Variants in RICTOR observed in about 807,000 individuals in gnomAD.
The protein encoded by RICTOR is RPTOR independent companion of MTOR complex 2, also known as rapamycin-insensitive companion of mTOR.
Under a neutral mutation model 214.9 loss-of-function variants are expected in RICTOR, and 49 were observed. The observed-to-expected ratio is 0.23, with a 90% CI of 0.18 to 0.29. RICTOR has a LOEUF of 0.29. Ranked by LOEUF, RICTOR falls within the 10% of genes least tolerant of loss-of-function variation. The probability of loss-of-function intolerance (pLI) is 1.00; values close to 1 mark genes in which losing one functional copy is unlikely to be tolerated. For missense variants in RICTOR, 1,625 were observed against 2,047.0 expected (o/e 0.79, Z 3.98); for synonymous variants, 717 against 711.3 (o/e 1.01, Z -0.13).
At chr5:39,037,856 C>A (rs1300514272) in intron 2 of RICTOR, among the ~76,000 whole-genome samples, 5 of 152,130 alleles carry the variant, frequency 3.3e-5, no homozygotes, top group Non-Finnish European at 7.4e-5. Flanking sequence ...AAGTCCAGGA[C>A]CAGATGGATT....
Position 38,949,868 on chromosome 5 carries a change from G to C in RICTOR, c.3980C>G (p.Ala1327Gly), listed in dbSNP as rs1221571361. Residue 1327 changes from alanine to glycine, a missense_variant, in exon 31 of 38, where the codon GCT becomes GGT. By Grantham distance (60) the Ala-to-Gly change is moderately conservative (BLOSUM62 0). Around this residue, in one of 5 missense-constraint regions of RICTOR, gnomAD observed 1,214 missense variants for 1,470.5 expected, o/e 0.83. Transcript: ENST00000357387. Reference sequence around the variant, plus strand: ...TCTTTTCAGTGTAGCATAGCCAAAAGCATCTCTAGAACTTGTGTAACTAAA... The same window carrying C: ...TCTTTTCAGTGTAGCATAGCCAAAACCATCTCTAGAACTTGTGTAACTAAA... ...CNFSYTSSRD[A>G]FGYATLKRLQ... 1 of 1,613,416 alleles carries C rather than the reference G, an allele frequency of 6.2e-7. No homozygotes were observed. The highest frequency in any genetic ancestry group is 1.1e-5 in the South Asian group (1 of 91,062).
Position 38,944,505 on chromosome 5 carries a change from T to G in RICTOR, c.4854A>C (p.Arg1618Ser). The G allele has an allele frequency of 6.2e-7, 1 of 1,612,358 alleles. No homozygotes were observed. The highest frequency in any genetic ancestry group is 8.5e-7 in the Non-Finnish European group (1 of 1,178,960). The change falls in exon 36 of 38, where the codon AGA (arginine) becomes AGC (serine). Residue 1618 changes from arginine to serine, a missense_variant. Arg to Ser is a moderately radical substitution (Grantham distance 110). Transcript: ENST00000357387. The part of the protein sequence containing the change: ...CRILLRKEVL[R>S]LVINLSSSVS... ...CTGAACTACTCAAATTAATGACTAA[T>G]CTTAGAACTTCTTTGCGAAGGAGTA...
intron 2 of RICTOR, among the ~76,000 whole-genome samples, chr5:39,036,742 G>A (rs1463157495): frequency 6.6e-6 from 1 of 152,144 alleles, no homozygotes; most frequent in Non-Finnish European, 1.5e-5. Flanking sequence ...AATGGTAAAG[G>A]CATAAATTCA....
At position 38,941,791 on chromosome 5, in the gene RICTOR, G is replaced by T. The variant is rs1351631790; in HGVS notation, c.*513C>A. Reference sequence around the variant, plus strand: ...CAAACATTAAGAAAAACGTGAAAGGGCCAAAGTTCCCTCTCTAATACCAGC... The same window carrying T: ...CAAACATTAAGAAAAACGTGAAAGGTCCAAAGTTCCCTCTCTAATACCAGC... On this transcript the variant is annotated 3_prime_UTR_variant, in exon 38 of 38. Coordinates refer to ENST00000357387, the MANE Select transcript of RICTOR (RefSeq NM_152756.5). 2.1e-5 allele frequency: 5 copies of T among 232,850 alleles called. No individual in the cohort carries two copies. The highest frequency in any genetic ancestry group is 4.2e-5 in the Non-Finnish European group (5 of 117,656). The allele number at this position is 232,850 out of a possible 1,614,324, so 14.4% of individuals were successfully genotyped here.
intron 2 of RICTOR, among the ~76,000 whole-genome samples, chr5:39,065,203 T>A (rs748990480): frequency 6.6e-6 from 1 of 152,120 alleles, no homozygotes; most frequent in African/African-American, 2.4e-5. Flanking sequence ...CTTTTACTCA[T>A]AGCAAAGACG....
rs75476190 is a variant in RICTOR at position 38,945,109 on chromosome 5, G to T, written c.4634-41C>A. The T allele has an allele frequency of 1.7e-3, 2,313 of 1,391,606 alleles. 57 individuals are homozygous for T. In the East Asian group the frequency reaches 0.043, roughly 26 times the overall value. The allele number at this position is 1,391,606 out of a possible 1,614,324, so 86.2% of individuals were successfully genotyped here. A position where few individuals can be genotyped will look rare whatever the true frequency, so the allele number is the denominator to read the frequency against. On this transcript the variant is annotated intron_variant, in intron 34 of 37. Coordinates refer to ENST00000357387, the MANE Select transcript of RICTOR (RefSeq NM_152756.5). ...ATTATTTCAATTAAAGCACCATAAC[G>T]GCTTAATTCCTGTGCTTACATTGCA...
chr5:39,034,913 A>G (rs1290298329), intron 2 of RICTOR, among the ~76,000 whole-genome samples: 3 of 152,236 alleles, frequency 2.0e-5, no homozygotes, highest in African/African-American at 7.2e-5. Flanking sequence ...AACAAAAGGC[A>G]GCAGTAACCT....
At chr5:39,056,548 G>C (rs950710102) in intron 2 of RICTOR, among the ~76,000 whole-genome samples, 1 of 151,904 alleles carries the variant, frequency 6.6e-6, no homozygotes, top group Non-Finnish European at 1.5e-5. Flanking sequence ...GAAGTGACAG[G>C]ATCACTTGAG....
At chr5:38,996,014 T>C (rs192650844) in intron 6 of RICTOR, among the ~76,000 whole-genome samples, 2 of 152,290 alleles carry the variant, frequency 1.3e-5, no homozygotes, top group East Asian at 3.9e-4. Context: ...GAACCCTAGC[T>C]AACATAGAAA....
chr5:38,965,009 C>T (rs1750102324), intron 15 of RICTOR, 117 bp from the exon 16 acceptor site: 1 of 530,064 alleles, frequency 1.9e-6, no homozygotes, highest in Admixed American at 3.7e-5. Flanking sequence ...AGGTTTTACT[C>T]ATAAAATTAA....
chr5:39,065,999 C>T (rs1470771432), intron 2 of RICTOR, among the ~76,000 whole-genome samples: 1 of 152,254 alleles, frequency 6.6e-6, no homozygotes, highest in African/African-American at 2.4e-5. Context: ...CACAGCTCCA[C>T]TAGGCAGTGC....
chr5:38,992,565 T>G (rs982233675), intron 6 of RICTOR, among the ~76,000 whole-genome samples: 1 of 152,198 alleles, frequency 6.6e-6, no homozygotes, highest in Admixed American at 6.5e-5. Flanking sequence ...AAGATATGTA[T>G]GAACAGATGA....
intron 2 of RICTOR, among the ~76,000 whole-genome samples, chr5:39,044,499 A>G (rs1433589647): frequency 6.6e-6 from 1 of 152,118 alleles, no homozygotes; most frequent in Non-Finnish European, 1.5e-5. Flanking sequence ...TATAATATGG[A>G]CATACACAAA....
rs568137182 is a variant in RICTOR, at chr5:39,004,801, G to A, written c.196-1179C>T. Among the ~76,000 whole-genome samples, 4 of 107,494 alleles carry A rather than the reference G, an allele frequency of 3.7e-5. No individual in the cohort carries two copies. In the South Asian group the frequency reaches 1.3e-3, roughly 34 times the overall value. 70.5% of individuals were successfully genotyped at this position (107,494 alleles called of 152,430 possible). On this transcript the variant is annotated intron_variant, in intron 3 of 37. Transcript: ENST00000357387. ...CTTTTTTTTTTTTTTTTTTTTTTGAGATGGAGTTTCATTCTTGTTGCCCAG... is the reference window on the plus strand; with the variant it reads ...CTTTTTTTTTTTTTTTTTTTTTTGAAATGGAGTTTCATTCTTGTTGCCCAG...
intron 6 of RICTOR, among the ~76,000 whole-genome samples, chr5:38,991,599 C>T (rs1752781956): frequency 6.6e-6 from 1 of 152,054 alleles, no homozygotes; most frequent in East Asian, 1.9e-4. Flanking sequence ...ATCTAATGAT[C>T]TCCTTACTCT....
chr5:38,948,207 A>G (rs1232680958), intron 31 of RICTOR, among the ~76,000 whole-genome samples: 1 of 152,180 alleles, frequency 6.6e-6, no homozygotes, highest in East Asian at 1.9e-4. Context: ...ATATACATTT[A>G]TATGAAGATA....
chr5:38,999,043 A>AC (rs569555250), intron 5 of RICTOR, among the ~76,000 whole-genome samples: 19,807 of 143,134 alleles, frequency 0.14, 1,701 homozygotes, highest in South Asian at 0.18. Context: ...AAAAAAAAAA[A>AC]AAAAAAAACA....
chr5:39,055,016 G>T (rs942830688), intron 2 of RICTOR, among the ~76,000 whole-genome samples: 2 of 152,122 alleles, frequency 1.3e-5, no homozygotes, highest in African/African-American at 4.8e-5. Context: ...ATGAATGAAA[G>T]AATTCATTCA....
At chr5:38,982,775 C>T (rs1035776372) in intron 7 of RICTOR, among the ~76,000 whole-genome samples, 3 of 114,528 alleles carry the variant, frequency 2.6e-5, no homozygotes, top group Admixed American at 1.1e-4. Flanking sequence ...CATACATACA[C>T]ACATATATAT....
Sources: gnomAD v4.1 joint callset for allele counts (sites outside exome capture counted in the v4.1 genomes callset) on GRCh38, gnomAD v4.1.1 for gene constraint, gnomAD v4.1.1 regional missense constraint, MANE v1.5 for transcripts, NCBI Gene and HGNC (gene_info 2026-07-23, HGNC 2026-07-21) for gene names.